SLC44A5: variants seen among roughly 807,000 people sequenced by gnomAD.
The protein encoded by SLC44A5 is solute carrier family 44 member 5.
Under a neutral mutation model 101.8 loss-of-function variants are expected in SLC44A5, and 57 were observed. That is an observed-to-expected ratio of 0.56 (90% CI 0.45 to 0.70). The LOEUF (loss-of-function observed/expected upper bound fraction) is 0.70. Among genes scored for constraint, SLC44A5 ranks in the 30% least tolerant of loss-of-function variants. The probability of loss-of-function intolerance (pLI) is 0.00; values close to 1 mark genes in which losing one functional copy is unlikely to be tolerated. For missense variants in SLC44A5, 737 were observed against 853.1 expected (o/e 0.86, Z 1.70); for synonymous variants, 281 against 290.9 (o/e 0.97, Z 0.35).
the SLC44A5 span, among the ~76,000 whole-genome samples, chr1:75,672,283 G>A: frequency 6.6e-6 from 1 of 152,120 alleles, no homozygotes; most frequent in African/African-American, 2.4e-5. Context: ...AAAAATCTGT[G>A]TACTTTGGGG....
chr1:75,376,886 G>C (rs1387923339), intron 3 of SLC44A5, among the ~76,000 whole-genome samples: 4 of 152,152 alleles, frequency 2.6e-5, no homozygotes, highest in South Asian at 2.1e-4. Flanking sequence ...TCTGAGCTAC[G>C]GGAGGACATT....
At chr1:75,608,077 T>C (rs374359214) in intron 1 of SLC44A5, among the ~76,000 whole-genome samples, 1 of 152,038 alleles carries the variant, frequency 6.6e-6, no homozygotes, top group Non-Finnish European at 1.5e-5. Context: ...GGATTCCACA[T>C]ATAAGTGAGA....
chr1:75,492,529 G>C (rs1317158736), intron 2 of SLC44A5, among the ~76,000 whole-genome samples: 1 of 152,098 alleles, frequency 6.6e-6, no homozygotes, highest in Non-Finnish European at 1.5e-5. Flanking sequence ...TTACCACAGA[G>C]ATTATAGTCT....
chr1:75,280,153 A>ATC (rs1557612892), intron 5 of SLC44A5, among the ~76,000 whole-genome samples: 127 of 264 alleles, frequency 0.48, 12 homozygotes, highest in Admixed American at 0.62. Flanking sequence ...TATATTGTAT[A>ATC]TATTATATAT....
chr1:75,506,450 T>G (rs922725028), intron 2 of SLC44A5, among the ~76,000 whole-genome samples: 1 of 152,160 alleles, frequency 6.6e-6, no homozygotes, highest in Non-Finnish European at 1.5e-5. Context: ...GTATTGCTAT[T>G]TTAATTATAT....
the SLC44A5 span, among the ~76,000 whole-genome samples, chr1:75,672,668 A>C: frequency 6.6e-6 from 1 of 152,156 alleles, no homozygotes; most frequent in Non-Finnish European, 1.5e-5. Flanking sequence ...CCTAGGCAGC[A>C]CCAATTGCAG....
the SLC44A5 span, among the ~76,000 whole-genome samples, chr1:75,652,178 G>A: frequency 1.3e-5 from 2 of 152,138 alleles, no homozygotes; most frequent in Non-Finnish European, 2.9e-5. Flanking sequence ...GTGCTGGCAG[G>A]CCACTGCACT....
At position 75,238,498 on chromosome 1, in the gene SLC44A5, T is replaced by G. The variant is rs771788938; in HGVS notation, c.656+15A>C. On this transcript the variant is annotated intron_variant, in intron 10 of 23. Transcript: ENST00000370859. Reference sequence around the variant, plus strand: ...AAATGCATCAAACTGAAAATTAGAATGTAAACACACATACTTTGCAGCAAT... The same window carrying G: ...AAATGCATCAAACTGAAAATTAGAAGGTAAACACACATACTTTGCAGCAAT... 2 of 1,564,154 alleles carry G rather than the reference T, an allele frequency of 1.3e-6. No homozygotes were observed. Among genetic ancestry groups the G allele is most frequent in the Non-Finnish European group, 1.7e-6 (2 of 1,158,950 alleles).
chr1:75,539,532 C>T (rs943550168), intron 2 of SLC44A5, among the ~76,000 whole-genome samples: 2 of 152,098 alleles, frequency 1.3e-5, no homozygotes, highest in African/African-American at 4.8e-5. Context: ...ATTTTCTATG[C>T]CTTTTATTAC....
intron 2 of SLC44A5, among the ~76,000 whole-genome samples, chr1:75,406,667 C>T (rs1271255952): frequency 1.3e-5 from 2 of 152,148 alleles, no homozygotes; most frequent in African/African-American, 2.4e-5. Flanking sequence ...AACAGCCCTT[C>T]ATGCTAAAAA....
At chr1:75,587,186 G>T (rs568197205) in intron 1 of SLC44A5, among the ~76,000 whole-genome samples, 2 of 152,040 alleles carry the variant, frequency 1.3e-5, no homozygotes, top group Non-Finnish European at 2.9e-5. Context: ...AATGTCAAAG[G>T]TGTCTAGGTT....
chr1:75,267,724 A>AT (rs931230881), intron 6 of SLC44A5, among the ~76,000 whole-genome samples: 2 of 151,654 alleles, frequency 1.3e-5, no homozygotes, highest in African/African-American at 4.8e-5. Flanking sequence ...ATTTTTTAAA[A>AT]TTTTTTTATT....
intron 2 of SLC44A5, among the ~76,000 whole-genome samples, chr1:75,439,535 T>C (rs1208627171): frequency 6.6e-6 from 1 of 150,632 alleles, no homozygotes; most frequent in Non-Finnish European, 1.5e-5. Context: ...TGGGGCAACA[T>C]AGTGAGACCC....
chr1:75,595,715 T>G (rs764175715), intron 1 of SLC44A5, among the ~76,000 whole-genome samples: 1 of 152,162 alleles, frequency 6.6e-6, no homozygotes, highest in Non-Finnish European at 1.5e-5. Context: ...ATTCATATGT[T>G]CATTTAACAA....
intron 3 of SLC44A5, chr1:75,357,078 C>T: frequency 2.4e-6 from 1 of 410,332 alleles, no homozygotes; most frequent in East Asian, 7.3e-5. Context: ...TTTTTCTCAA[C>T]TCTTCTCCTA....
chr1:75,645,012 A>T, the SLC44A5 span, among the ~76,000 whole-genome samples: 3 of 152,096 alleles, frequency 2.0e-5, no homozygotes, highest in Non-Finnish European at 2.9e-5. Context: ...ACATTTTCTT[A>T]ATCCAGTGTA....
chr1:75,293,953 A>G (rs992148286), intron 5 of SLC44A5, among the ~76,000 whole-genome samples: 1 of 152,210 alleles, frequency 6.6e-6, no homozygotes, highest in African/African-American at 2.4e-5. Context: ...TAATTTGTAA[A>G]TATTTATATA....
At chr1:75,424,625 G>A (rs1280887895) in intron 2 of SLC44A5, among the ~76,000 whole-genome samples, 2 of 152,164 alleles carry the variant, frequency 1.3e-5, no homozygotes, top group African/African-American at 2.4e-5. Context: ...TCCCTTGTAA[G>A]AGCAAGAGTT....
At chr1:75,541,409 G>C (rs765425405) in intron 2 of SLC44A5, 26 bp downstream of exon 2, 18 of 1,536,130 alleles carry the variant, frequency 1.2e-5, no homozygotes, top group Non-Finnish European at 1.4e-5. Context: ...CAGATCAAGA[G>C]GAACTTAATT....
Sources: allele counts gnomAD v4.1 joint callset (sites outside exome capture counted in the v4.1 genomes callset), GRCh38; gene constraint gnomAD v4.1.1; transcripts MANE v1.5; gene names NCBI Gene and HGNC (gene_info 2026-07-23, HGNC 2026-07-21).